FUT8: variants seen among roughly 807,000 people sequenced by gnomAD.
FUT8 encodes the protein fucosyltransferase 8.
A neutral mutation model predicts 71.3 loss-of-function variants in FUT8; 29 were observed. That is an observed-to-expected ratio of 0.41 (90% confidence interval 0.30 to 0.55). FUT8 has a LOEUF of 0.55. Ranked by LOEUF, FUT8 falls within the 20% of genes least tolerant of loss-of-function variation. The pLI is 0.34. For synonymous variants in FUT8, 254 were observed against 239.3 expected (o/e 1.06, Z -0.57); for missense variants, 544 against 702.1 (o/e 0.77, Z 2.55).
chr14:65,724,181 G>GA lies in FUT8; in HGVS notation c.1119dup (p.Ala374SerfsTer7). Reference sequence around the variant, plus strand: ...CAGACGCACAGACAAAGTGGGAACAGAAGCTGCCTTCCATCCCATTGAAGA... The same window carrying GA: ...CAGACGCACAGACAAAGTGGGAACAGAAAGCTGCCTTCCATCCCATTGAAGA... On this transcript the variant is annotated frameshift_variant, in exon 9 of 11. Coordinates refer to ENST00000673929, the MANE Select transcript of FUT8 (RefSeq NM_001371533.1). LOFTEE classifies it high-confidence loss of function. 1 of 1,605,096 alleles carries GA rather than the reference G, an allele frequency of 6.2e-7. No homozygotes were observed. Among genetic ancestry groups the GA allele is most frequent in the Non-Finnish European group, 8.5e-7 (1 of 1,177,562 alleles).
chr14:65,703,467 G>T (rs1374791850), intron 7 of FUT8, among the ~76,000 whole-genome samples: 2 of 152,150 alleles, frequency 1.3e-5, no homozygotes, highest in Non-Finnish European at 2.9e-5. Flanking sequence ...TTTCAGCTAT[G>T]CCACCAGAAG....
Position 65,459,713 on chromosome 14 carries a change from G to A in FUT8, c.-228+3995G>A, listed in dbSNP as rs10142520. On this transcript the variant is annotated intron_variant, in intron 2 of 10. Coordinates refer to ENST00000673929, the MANE Select transcript of FUT8 (RefSeq NM_001371533.1). The stretch of plus-strand genomic sequence containing the variant: ...TTATTTTCTTATTTTAAAAAAAGGC[G>A]TTAAGGTCCACATTAAAGTCAGGTA... Among the ~76,000 whole-genome samples, 1,478 of 152,122 alleles carry A rather than the reference G, an allele frequency of 9.7e-3. 24 individuals carry two copies. The highest frequency in any genetic ancestry group is 0.034 in the African/African-American group (1,418 of 41,512).
intron 6 of FUT8, among the ~76,000 whole-genome samples, chr14:65,644,767 T>C (rs1034277941): frequency 6.6e-6 from 1 of 152,236 alleles, no homozygotes; most frequent in Admixed American, 6.5e-5. Context: ...GATTAACATA[T>C]ATAACCTTGT....
intron 2 of FUT8, among the ~76,000 whole-genome samples, chr14:65,499,266 C>G (rs1387888142): frequency 6.6e-6 from 1 of 151,872 alleles, no homozygotes; most frequent in Non-Finnish European, 1.5e-5. Context: ...TTTTCTTTAC[C>G]CTTATAGCAT....
chr14:65,422,895 C>G (rs898742972), intron 1 of FUT8, among the ~76,000 whole-genome samples: 1 of 151,810 alleles, frequency 6.6e-6, no homozygotes, highest in African/African-American at 2.4e-5. Context: ...TGGCCTCAAA[C>G]GATCCTCCTG....
intron 7 of FUT8, among the ~76,000 whole-genome samples, chr14:65,697,983 C>A (rs1363419781): frequency 4.8e-5 from 7 of 146,672 alleles, no homozygotes; most frequent in African/African-American, 1.8e-4. Context: ...AAGAGCGAAA[C>A]TCCATCTCAA....
At chr14:65,374,455 G>A in the FUT8 span, among the ~76,000 whole-genome samples, 12 of 152,260 alleles carry the variant, frequency 7.9e-5, no homozygotes, top group East Asian at 2.3e-3. Context: ...CACCATGAAA[G>A]ACCAAAGGTA....
At chr14:65,633,781 C>G (rs1210008415) in intron 6 of FUT8, among the ~76,000 whole-genome samples, 1 of 151,616 alleles carries the variant, frequency 6.6e-6, no homozygotes, top group African/African-American at 2.4e-5. Flanking sequence ...CCCCTCCGCC[C>G]GGCAGCCACC....
chr14:65,534,775 T>C (rs1433480414), intron 2 of FUT8, among the ~76,000 whole-genome samples: 1 of 151,734 alleles, frequency 6.6e-6, no homozygotes, highest in Non-Finnish European at 1.5e-5. Context: ...TATCCCCCTT[T>C]GTTGTTTTTG....
chr14:65,448,577 AT>A (rs1335483589), intron 1 of FUT8, among the ~76,000 whole-genome samples: 2 of 152,212 alleles, frequency 1.3e-5, no homozygotes, highest in African/African-American at 4.8e-5. Flanking sequence ...ATTAAATATA[AT>A]ATGTGTTAAG....
chr14:65,492,800 A>C (rs976593765), intron 2 of FUT8, among the ~76,000 whole-genome samples: 1 of 152,150 alleles, frequency 6.6e-6, no homozygotes, highest in African/African-American at 2.4e-5. Flanking sequence ...CAGCTTACCT[A>C]TATTTTGGCT....
At chr14:65,692,455 G>C (rs1594902797) in intron 7 of FUT8, among the ~76,000 whole-genome samples, 1 of 135,114 alleles carries the variant, frequency 7.4e-6, no homozygotes, top group Non-Finnish European at 1.6e-5. Flanking sequence ...CGGGCGGGGG[G>C]CTGACCCCCC....
At chr14:65,602,724 A>C (rs1888372611) in intron 3 of FUT8, among the ~76,000 whole-genome samples, 1 of 151,822 alleles carries the variant, frequency 6.6e-6, no homozygotes, top group African/African-American at 2.4e-5. Context: ...TTGTGGGAGT[A>C]AGGTGGTATC....
At chr14:65,687,944 G>T (rs927371261) in intron 7 of FUT8, among the ~76,000 whole-genome samples, 3 of 152,144 alleles carry the variant, frequency 2.0e-5, no homozygotes, top group Non-Finnish European at 4.4e-5. Context: ...TGCCCGGGCT[G>T]GTCATGAACT....
At position 65,724,294 on chromosome 14, in the gene FUT8, C is replaced by G. The variant is rs1320225674; in HGVS notation, c.1230C>G (p.Asp410Glu). Residue 410 changes from aspartate (D) to glutamate (E), a missense_variant, in exon 9 of 11, where the codon GAC becomes GAG. Physicochemically the swap from Asp to Glu is conservative, Grantham distance 45 (BLOSUM62 2). Coordinates refer to ENST00000673929, the MANE Select transcript of FUT8 (RefSeq NM_001371533.1). ...DKKRVYLATDDPSLLKEAKTK... is the reference protein window; with the variant it reads ...DKKRVYLATDEPSLLKEAKTK... Reference sequence around the variant, plus strand: ...AAAGAGTGTATTTGGCCACAGATGACCCTTCTTTATTAAAGGAGGCAAAAA... The same window carrying G: ...AAAGAGTGTATTTGGCCACAGATGAGCCTTCTTTATTAAAGGAGGCAAAAA... The G allele has an allele frequency of 6.2e-7, 1 of 1,609,080 alleles. No homozygotes were observed. The highest frequency in any genetic ancestry group is 8.5e-7 in the Non-Finnish European group (1 of 1,178,692).
At chr14:65,655,308 C>T (rs1891617017) in intron 6 of FUT8, among the ~76,000 whole-genome samples, 5 of 151,526 alleles carry the variant, frequency 3.3e-5, no homozygotes, top group Admixed American at 3.3e-4. Flanking sequence ...CCCGTCTCTA[C>T]TAAAAATACA....
chr14:65,692,710 C>T (rs1391989519), intron 7 of FUT8, among the ~76,000 whole-genome samples: 16 of 142,684 alleles, frequency 1.1e-4, no homozygotes, highest in African/African-American at 4.1e-4. Flanking sequence ...ACTTCTCAGA[C>T]GGGGCGGCTG....
chr14:65,424,283 A>G (rs539466917), intron 1 of FUT8, among the ~76,000 whole-genome samples: 173 of 152,332 alleles, frequency 1.1e-3, no homozygotes, highest in African/African-American at 3.8e-3. Flanking sequence ...AATTATTTCA[A>G]TAGTACAGGG....
chr14:65,595,962 AACAGTT>A (rs1887958138), intron 3 of FUT8, among the ~76,000 whole-genome samples: 2 of 152,178 alleles, frequency 1.3e-5, no homozygotes, highest in Non-Finnish European at 2.9e-5. Flanking sequence ...GTGGCTGATA[AACAGTT>A]ACTATGACTA....
Sources: gnomAD v4.1 joint callset for allele counts (sites outside exome capture counted in the v4.1 genomes callset) on GRCh38, gnomAD v4.1.1 for gene constraint, MANE v1.5 for transcripts, NCBI Gene and HGNC (gene_info 2026-07-23, HGNC 2026-07-21) for gene names.